Variants in PCNT observed in about 807,000 individuals in gnomAD.
PCNT encodes the protein pericentrin.
Under a neutral mutation model 380.4 loss-of-function variants are expected in PCNT, and 319 were observed. That is an observed-to-expected ratio of 0.84 (90% CI 0.77 to 0.92). The LOEUF (loss-of-function observed/expected upper bound fraction) is 0.92, where lower values mean the gene tolerates loss of function less well. PCNT is among the 40% of genes least tolerant of loss of function. The probability of loss-of-function intolerance (pLI) is 0.00; values close to 1 mark genes in which losing one functional copy is unlikely to be tolerated. For missense variants in PCNT, 4,400 were observed against 4,255.3 expected, an observed-to-expected ratio of 1.03 and a Z score of -0.95; for synonymous variants, 1,845 against 1,735.2, an observed-to-expected ratio of 1.06 and a Z score of -1.57.
chr21:46,366,900 C>G lies in PCNT; in HGVS notation c.2926C>G (p.Leu976Val), dbSNP rs755172145. The G allele has an allele frequency of 3.1e-6, 5 of 1,614,218 alleles. No individual in the cohort carries two copies. Among genetic ancestry groups the G allele is most frequent in the South Asian group, 1.1e-5 (1 of 91,088 alleles). The change falls in exon 15 of 47, where the codon CTC becomes GTC. Residue 976 changes from leucine to valine, a missense_variant. Physicochemically the swap from Leu to Val is conservative, Grantham distance 32. Coordinates refer to ENST00000359568, the MANE Select transcript of PCNT (RefSeq NM_006031.6). ...SSLDSLESCY[L>V]SEFQTIREEH... ...CCTTGATTCTTTGGAATCCTGTTAC[C>G]TCTCTGAATTTCAGACCATCCGTGA...
chr21:46,344,751 C>T (rs1012072410), intron 3 of PCNT, among the ~76,000 whole-genome samples: 3 of 152,190 alleles, frequency 2.0e-5, no homozygotes, highest in East Asian at 1.9e-4. Context: ...GCCACAGTGA[C>T]GGTGGGCTCA....
intron 24 of PCNT, among the ~76,000 whole-genome samples, chr21:46,398,576 C>A (rs1408211543): frequency 6.6e-6 from 1 of 152,224 alleles, no homozygotes; most frequent in Non-Finnish European, 1.5e-5. Flanking sequence ...GTGCCTTCTG[C>A]CCCCCACGGA....
intron 32 of PCNT, among the ~76,000 whole-genome samples, chr21:46,423,828 G>GA (rs2087372756): frequency 7.5e-6 from 1 of 134,064 alleles, no homozygotes; most frequent in Non-Finnish European, 1.6e-5. Context: ...GGAGGAGGGG[G>GA]AGGGGGAGGG....
At chr21:46,379,093 T>A (rs558739271) in intron 15 of PCNT, among the ~76,000 whole-genome samples, 13 of 152,364 alleles carry the variant, frequency 8.5e-5, no homozygotes, top group Non-Finnish European at 1.6e-4. Flanking sequence ...TAGTGATGAA[T>A]CCTCTTAGCT....
chr21:46,430,055 G>A lies in PCNT; in HGVS notation c.7736G>A (p.Gly2579Asp), dbSNP rs773168522. 4 of 1,614,096 alleles carry A rather than the reference G, an allele frequency of 2.5e-6. No homozygotes were observed. In the East Asian group the frequency reaches 6.7e-5, roughly 27 times the overall value. ...GTAGAGCAGGAGAAGTGCATTGCTG[G>A]TGACTTGCAGAAGACGCTGAGTGAA... ...YKVEQEKCIA[G>D]DLQKTLSEEQ... Residue 2579 changes from glycine (G) to aspartate (D), a missense_variant, in exon 36 of 47, where the codon GGT becomes GAT. Transcript: ENST00000359568.
intron 27 of PCNT, among the ~76,000 whole-genome samples, chr21:46,408,432 C>T (rs2086683130): frequency 6.6e-6 from 1 of 152,176 alleles, no homozygotes; most frequent in Admixed American, 6.5e-5. Context: ...GAATGCATGG[C>T]TGATTCATGT....
At chr21:46,424,716 C>A (rs1286212255) in intron 32 of PCNT, among the ~76,000 whole-genome samples, 1 of 134,484 alleles carries the variant, frequency 7.4e-6, no homozygotes, top group Non-Finnish European at 1.6e-5. Flanking sequence ...CCCACTGCGC[C>A]CCCCCCAACC....
chr21:46,394,485 C>T (rs548527549), intron 21 of PCNT: 67 of 983,356 alleles, frequency 6.8e-5, no homozygotes, highest in African/African-American at 5.4e-4. Context: ...CCTCAGTAAA[C>T]GCAAACTCTT....
At chr21:46,414,329 C>G (rs2086921598) in intron 29 of PCNT, among the ~76,000 whole-genome samples, 2 of 151,912 alleles carry the variant, frequency 1.3e-5, no homozygotes, top group South Asian at 4.2e-4. Context: ...TGCACCTCGC[C>G]TCCTCCAGTC....
chr21:46,430,882 C>A, intron 37 of PCNT: 2 of 985,288 alleles, frequency 2.0e-6, no homozygotes, highest in Non-Finnish European at 2.4e-6. Context: ...GGCACGATAC[C>A]CCTGCTCGGA....
At chr21:46,423,504 A>G (rs929675999) in intron 32 of PCNT, among the ~76,000 whole-genome samples, 5 of 151,736 alleles carry the variant, frequency 3.3e-5, no homozygotes, top group Non-Finnish European at 7.4e-5. Flanking sequence ...ATTTTTATAC[A>G]ATATAAAACG....
intron 11 of PCNT, 84 bp from the exon 12 acceptor site, chr21:46,355,368 A>G: frequency 4.3e-6 from 6 of 1,411,250 alleles, no homozygotes; most frequent in Non-Finnish European, 5.0e-6. Context: ...CTTTGTGCAT[A>G]GCAGGAAACA....
intron 43 of PCNT, among the ~76,000 whole-genome samples, chr21:46,441,362 C>T (rs1047481336): frequency 6.6e-6 from 1 of 152,164 alleles, no homozygotes; most frequent in Admixed American, 6.5e-5. Context: ...CCACAAAGAA[C>T]GTGCTGAATT....
At chr21:46,410,000 G>C (rs577913827) in intron 27 of PCNT, among the ~76,000 whole-genome samples, 2 of 152,356 alleles carry the variant, frequency 1.3e-5, no homozygotes, top group East Asian at 3.9e-4. Flanking sequence ...ACCGTCTTCA[G>C]TGCGCACCCC....
chr21:46,353,642 G>A (rs111800105), intron 10 of PCNT, among the ~76,000 whole-genome samples: 26 of 148,876 alleles, frequency 1.7e-4, no homozygotes, highest in African/African-American at 5.6e-4. Flanking sequence ...AGGCCTGCGT[G>A]TGTGTGTGTT....
intron 3 of PCNT, among the ~76,000 whole-genome samples, chr21:46,338,225 TAG>T (rs1193450623): frequency 2.0e-5 from 3 of 152,108 alleles, no homozygotes; most frequent in African/African-American, 7.2e-5. Context: ...CACAATTGTG[TAG>T]AGTCATATTC....
intron 25 of PCNT, 121 bp downstream of exon 25, chr21:46,399,917 A>G: frequency 1.2e-6 from 1 of 832,932 alleles, no homozygotes; most frequent in Non-Finnish European, 2.1e-6. Context: ...CCACGTCTGC[A>G]CCAGAAACAC....
Position 46,416,848 on chromosome 21 carries a change from C to T in PCNT, c.6921+9C>T. The T allele has an allele frequency of 6.3e-7, 1 of 1,597,032 alleles. No individual in the cohort carries two copies. Among genetic ancestry groups the T allele is most frequent in the South Asian group, 1.1e-5 (1 of 90,994 alleles). ...TGCAGAGGACGGCTGTGGTAGGTGCCTGCTCTGCTCCCAGGCCTGCTGTTC... is the reference window on the plus strand; with the variant it reads ...TGCAGAGGACGGCTGTGGTAGGTGCTTGCTCTGCTCCCAGGCCTGCTGTTC... On this transcript the variant is annotated intron_variant, in intron 30 of 46. Coordinates refer to ENST00000359568, the MANE Select transcript of PCNT (RefSeq NM_006031.6).
intron 32 of PCNT, among the ~76,000 whole-genome samples, chr21:46,424,681 G>A (rs967683535): frequency 6.0e-5 from 9 of 150,250 alleles, no homozygotes; most frequent in Admixed American, 2.0e-4. Flanking sequence ...GGGCCTGCCC[G>A]CCGCCCTGCT....
Sources: gnomAD v4.1 joint callset for allele counts (sites outside exome capture counted in the v4.1 genomes callset) on GRCh38, gnomAD v4.1.1 for gene constraint, MANE v1.5 for transcripts, NCBI Gene and HGNC (gene_info 2026-07-23, HGNC 2026-07-21) for gene names.